TBC1D5: variants seen among roughly 807,000 people sequenced by gnomAD.
TBC1D5 encodes the protein TBC1 domain family member 5.
A neutral mutation model predicts 100.3 loss-of-function variants in TBC1D5; 75 were observed. The observed-to-expected ratio is 0.75, with a 90% CI of 0.62 to 0.91. The LOEUF is 0.91. TBC1D5 is among the 40% of genes least tolerant of loss of function. The pLI is 0.00. For synonymous variants in TBC1D5, 323 were observed against 325.6 expected, an observed-to-expected ratio of 0.99 and a Z score of 0.09; for missense variants, 910 against 942.4, an observed-to-expected ratio of 0.97 and a Z score of 0.45.
chr3:17,364,710 T>C (rs1161901089), intron 13 of TBC1D5, among the ~76,000 whole-genome samples: 1 of 152,196 alleles, frequency 6.6e-6, no homozygotes, highest in Non-Finnish European at 1.5e-5. Context: ...TAACTAACGT[T>C]TGATAGCTTT....
At chr3:17,357,501 T>C (rs964271124) in intron 13 of TBC1D5, among the ~76,000 whole-genome samples, 1 of 152,162 alleles carries the variant, frequency 6.6e-6, no homozygotes, top group African/African-American at 2.4e-5. Context: ...CCTTCCTGCC[T>C]AGAGGTGATC....
intron 19 of TBC1D5, among the ~76,000 whole-genome samples, chr3:17,181,899 A>G (rs1159628504): frequency 6.6e-6 from 1 of 152,212 alleles, no homozygotes; most frequent in African/African-American, 2.4e-5. Flanking sequence ...TAATCTTTAT[A>G]AAGATTGAAT....
intron 2 of TBC1D5, among the ~76,000 whole-genome samples, chr3:17,581,123 G>T (rs1198955003): frequency 6.6e-6 from 1 of 152,098 alleles, no homozygotes; most frequent in Non-Finnish European, 1.5e-5. Flanking sequence ...GAGATCTCAT[G>T]GTTTCATAAA....
intron 13 of TBC1D5, among the ~76,000 whole-genome samples, chr3:17,323,111 A>G (rs888842254): frequency 3.9e-5 from 6 of 152,254 alleles, no homozygotes; most frequent in African/African-American, 1.2e-4. Flanking sequence ...AAGTTGAATC[A>G]TATAACATTC....
intron 2 of TBC1D5, among the ~76,000 whole-genome samples, chr3:17,606,637 AAT>A (rs1576984928): frequency 1.3e-5 from 2 of 152,292 alleles, no homozygotes; most frequent in East Asian, 3.9e-4. Flanking sequence ...AATATAATTA[AAT>A]ATGAGAGAAT....
rs553304021 is a variant in TBC1D5 at position 17,714,177 on chromosome 3, T to G, written c.-101+25166A>C. Among the ~76,000 whole-genome samples, 80 of 152,230 alleles carry G rather than the reference T, an allele frequency of 5.3e-4. 1 individual carries two copies. In the South Asian group the frequency reaches 0.016, roughly 30 times the overall value. On this transcript the variant is annotated intron_variant, in intron 1 of 21. Coordinates refer to ENST00000253692, the Ensembl canonical transcript of TBC1D5. ...GTCTGGGAGCTACCTTAATGACTGA[T>G]GCAAGATGCTCCACTCTATTTTACC...
intron 8 of TBC1D5, among the ~76,000 whole-genome samples, chr3:17,390,984 G>A (rs1320071084): frequency 6.6e-6 from 1 of 152,004 alleles, no homozygotes; most frequent in Non-Finnish European, 1.5e-5. Flanking sequence ...TGTGACTTGA[G>A]TGCTAGCCAA....
At chr3:17,491,613 G>A (rs2095640908) in intron 3 of TBC1D5, among the ~76,000 whole-genome samples, 2 of 152,138 alleles carry the variant, frequency 1.3e-5, no homozygotes, top group South Asian at 4.1e-4. Context: ...TACATTTATT[G>A]ACTTGCATAT....
intron 3 of TBC1D5, among the ~76,000 whole-genome samples, chr3:17,437,007 G>A (rs758809079): frequency 6.6e-6 from 1 of 152,224 alleles, no homozygotes; most frequent in Non-Finnish European, 1.5e-5. Flanking sequence ...AGTGTTGGGA[G>A]ATGGGGCCTA....
intron 1 of TBC1D5, among the ~76,000 whole-genome samples, chr3:17,691,074 G>A (rs146593339): frequency 3.3e-5 from 5 of 152,260 alleles, no homozygotes; most frequent in East Asian, 1.9e-4. Context: ...TCATTCTAAC[G>A]TTGGTAAAAC....
At chr3:17,556,264 C>T (rs1264216415) in intron 2 of TBC1D5, among the ~76,000 whole-genome samples, 1 of 152,156 alleles carries the variant, frequency 6.6e-6, no homozygotes, top group Non-Finnish European at 1.5e-5. Flanking sequence ...GTGATCCACC[C>T]GCCTTGGCCT....
At chr3:17,461,664 GTGTA>G (rs150170546) in intron 3 of TBC1D5, among the ~76,000 whole-genome samples, 15,233 of 152,128 alleles carry the variant, frequency 0.1, 832 homozygotes, top group African/African-American at 0.14. Flanking sequence ...ATGTGTGAGT[GTGTA>G]TGTGTGTTGT....
At position 17,373,649 on chromosome 3, in the gene TBC1D5, T is replaced by C. The variant is rs9883914; in HGVS notation, c.822+822A>G. On this transcript the variant is annotated intron_variant, in intron 12 of 21. Coordinates refer to ENST00000253692, the Ensembl canonical transcript of TBC1D5. Reference sequence around the variant, plus strand: ...ATGTATGGATAAACAAAATGTGGTATATCTATATAATGCAATATTTTTCAG... The same window carrying C: ...ATGTATGGATAAACAAAATGTGGTACATCTATATAATGCAATATTTTTCAG... 9.9e-4 allele frequency among the ~76,000 whole-genome samples: 151 copies of C among 152,294 alleles called. 1 individual carries two copies. Among genetic ancestry groups the C allele is most frequent in the African/African-American group, 3.4e-3 (141 of 41,574 alleles).
intron 13 of TBC1D5, among the ~76,000 whole-genome samples, chr3:17,335,287 A>G (rs943815274): frequency 6.6e-6 from 1 of 152,134 alleles, no homozygotes; most frequent in Admixed American, 6.6e-5. Context: ...TGGAGTACAG[A>G]TAATTATTAT....
intron 16 of TBC1D5, among the ~76,000 whole-genome samples, chr3:17,252,169 T>C (rs2077233757): frequency 6.6e-6 from 1 of 152,206 alleles, no homozygotes; most frequent in Admixed American, 6.5e-5. Context: ...CAAGAGTATG[T>C]CACTTTATCT....
chr3:17,231,833 A>C (rs1481317591), intron 17 of TBC1D5, among the ~76,000 whole-genome samples: 1 of 152,152 alleles, frequency 6.6e-6, no homozygotes, highest in African/African-American at 2.4e-5. Flanking sequence ...CACATCTATT[A>C]AAGTAGCTGG....
intron 3 of TBC1D5, among the ~76,000 whole-genome samples, chr3:17,506,855 AAC>A (rs1189394988): frequency 1.3e-5 from 2 of 152,150 alleles, no homozygotes; most frequent in Non-Finnish European, 2.9e-5. Context: ...CTCTACTAAA[AAC>A]ACAAAAAAAT....
chr3:17,564,029 G>T (rs560417520), intron 2 of TBC1D5, among the ~76,000 whole-genome samples: 1 of 152,110 alleles, frequency 6.6e-6, no homozygotes, highest in Non-Finnish European at 1.5e-5. Flanking sequence ...TGATCCGCCC[G>T]CCTTGGCCTC....
At chr3:17,174,440 A>G (rs767201088) in intron 19 of TBC1D5, among the ~76,000 whole-genome samples, 31 of 152,274 alleles carry the variant, frequency 2.0e-4, no homozygotes, top group Middle Eastern at 3.4e-3. Flanking sequence ...AAGTGAAGCT[A>G]TGTATCACTT....
Sources: allele counts gnomAD v4.1 joint callset (sites outside exome capture counted in the v4.1 genomes callset), GRCh38; gene constraint gnomAD v4.1.1; transcripts MANE v1.5; gene names NCBI Gene and HGNC (gene_info 2026-07-23, HGNC 2026-07-21).